The following CDH13 variants were observed in gnomAD, a reference collection of about 807,000 sequenced individuals.
The protein encoded by CDH13 is cadherin-13.
Under a neutral mutation model 63.8 loss-of-function variants are expected in CDH13, and 24 were observed. The observed-to-expected ratio is 0.38, with a 90% CI of 0.27 to 0.53. The LOEUF (loss-of-function observed/expected upper bound fraction) is 0.53. CDH13 is among the 20% of genes least tolerant of loss of function. The pLI is 0.85. For synonymous variants in CDH13, 503 were observed against 355.3 expected (o/e 1.42, Z -4.67); for missense variants, 1,049 against 903.1 (o/e 1.16, Z -2.07).
chr16:83,221,220 G>T (rs1386750205), intron 5 of CDH13, among the ~76,000 whole-genome samples: 1 of 152,098 alleles, frequency 6.6e-6, no homozygotes, highest in Non-Finnish European at 1.5e-5. Flanking sequence ...GCTTACCGGG[G>T]CTGGGAAGGG....
intron 5 of CDH13, among the ~76,000 whole-genome samples, chr16:83,246,300 G>T (rs1904986017): frequency 6.6e-6 from 1 of 152,086 alleles, no homozygotes; most frequent in Non-Finnish European, 1.5e-5. Flanking sequence ...GTATTTTTCT[G>T]TTAGCAAATT....
At chr16:83,183,655 C>T (rs932149037) in intron 4 of CDH13, among the ~76,000 whole-genome samples, 1 of 152,168 alleles carries the variant, frequency 6.6e-6, no homozygotes, top group Non-Finnish European at 1.5e-5. Context: ...TTCCATTTCG[C>T]TCTGGATCCA....
intron 5 of CDH13, among the ~76,000 whole-genome samples, chr16:83,313,996 T>A (rs1008372077): frequency 1.3e-5 from 2 of 152,194 alleles, no homozygotes; most frequent in African/African-American, 4.8e-5. Flanking sequence ...AGCACACAAA[T>A]CCTATTTATG....
In CDH13 at chr16:83,584,445, C is replaced by T. The variant is rs1004497174; in HGVS notation, c.961-18009C>T. On this transcript the variant is annotated intron_variant, in intron 7 of 13. Transcript: ENST00000567109. ...CGATGTAATATATGCTACAAGGGAA[C>T]TGTGTCAAGAGCTCTGCAGTCTTTC... 2.0e-5 allele frequency among the ~76,000 whole-genome samples: 3 copies of T among 152,206 alleles called. No individual in the cohort carries two copies. In the East Asian group the frequency reaches 5.8e-4, roughly 29 times the overall value.
Position 82,666,848 on chromosome 16 carries a change from A to T in CDH13, c.45+39711A>T, listed in dbSNP as rs192727344. ...AGCCAGCCTGCCTTCCCACCATCCA[A>T]ACGATGCTATGCCACATCTTGAAGA... On this transcript the variant is annotated intron_variant, in intron 1 of 13. Coordinates refer to ENST00000567109, the MANE Select transcript of CDH13 (RefSeq NM_001257.5). Among the ~76,000 whole-genome samples, 83 of 152,270 alleles carry T rather than the reference A, an allele frequency of 5.5e-4. 2 individuals are homozygous for T. The East Asian group carries it at 0.014, about 26-fold the overall frequency.
chr16:82,755,128 T>C (rs2034565510), intron 1 of CDH13, among the ~76,000 whole-genome samples: 1 of 152,212 alleles, frequency 6.6e-6, no homozygotes, highest in Non-Finnish European at 1.5e-5. Flanking sequence ...ATATATGCAG[T>C]GTTCTCTTTG....
chr16:83,370,399 A>T lies in CDH13; in HGVS notation c.781+25393A>T, dbSNP rs868699038. 1.9e-3 allele frequency among the ~76,000 whole-genome samples: 289 copies of T among 152,022 alleles called. 4 individuals carry two copies. The highest frequency in any genetic ancestry group is 6.4e-3 in the African/African-American group (263 of 41,316). The stretch of plus-strand genomic sequence containing the variant: ...CGAGACTCCATTTCAAAAAAAAAAA[A>T]AAAAACTTCCATATTTTCAGTTCTA... On this transcript the variant is annotated intron_variant, in intron 6 of 13. Transcript: ENST00000567109.
chr16:83,366,256 C>T (rs952599476), intron 6 of CDH13, among the ~76,000 whole-genome samples: 8 of 152,158 alleles, frequency 5.3e-5, no homozygotes, highest in African/African-American at 1.9e-4. Context: ...CCAATACCAA[C>T]ATCATTCTTA....
In CDH13 at chr16:83,379,743, G is replaced by A. The variant is rs144913495; in HGVS notation, c.781+34737G>A. ...TACTGCATTGTTTGAAAACCACTAC[G>A]TTGTAAATTGCATAAATGTGTATCA... On this transcript the variant is annotated intron_variant, in intron 6 of 13. Coordinates refer to ENST00000567109, the MANE Select transcript of CDH13 (RefSeq NM_001257.5). Among the ~76,000 whole-genome samples the A allele has an allele frequency of 2.3e-3, 353 of 152,016 alleles. 2 individuals carry two copies. The highest frequency in any genetic ancestry group is 8.0e-3 in the African/African-American group (331 of 41,450).
At chr16:82,728,740 AACTG>A (rs2033237809) in intron 1 of CDH13, among the ~76,000 whole-genome samples, 4 of 152,298 alleles carry the variant, frequency 2.6e-5, no homozygotes, top group Admixed American at 2.6e-4. Flanking sequence ...TGTCTGCATC[AACTG>A]ACTGTTTCTT....
intron 2 of CDH13, among the ~76,000 whole-genome samples, chr16:83,014,787 TA>T: frequency 1.3e-5 from 1 of 76,350 alleles, no homozygotes; most frequent in African/African-American, 5.2e-5. Context: ...TATATATATA[TA>T]TTTGTATATA....
chr16:82,903,483 C>T (rs2041537893), intron 2 of CDH13, among the ~76,000 whole-genome samples: 1 of 152,200 alleles, frequency 6.6e-6, no homozygotes, highest in Non-Finnish European at 1.5e-5. Flanking sequence ...TTTCTTCCCA[C>T]CTAGTTTTTT....
At chr16:83,097,058 G>T (rs2034241484) in intron 3 of CDH13, among the ~76,000 whole-genome samples, 1 of 152,120 alleles carries the variant, frequency 6.6e-6, no homozygotes, top group African/African-American at 2.4e-5. Flanking sequence ...ACTCTCCCTT[G>T]TCACTTTTCT....
chr16:83,058,526 A>T (rs377510304), intron 3 of CDH13, among the ~76,000 whole-genome samples: 1 of 152,180 alleles, frequency 6.6e-6, no homozygotes, highest in South Asian at 2.1e-4. Context: ...TCTTGTCCAA[A>T]TTCCAACCAT....
intron 6 of CDH13, among the ~76,000 whole-genome samples, chr16:83,447,445 A>G (rs1453261743): frequency 2.6e-5 from 4 of 152,122 alleles, no homozygotes; most frequent in East Asian, 1.9e-4. Context: ...AGTTTGATGG[A>G]TGAAGCAGAT....
Position 82,966,258 on chromosome 16 carries a change from C to G in CDH13, c.158-65752C>G, listed in dbSNP as rs556273858. ...CCGCCTCCCGGGTTGACGCCATTCT[C>G]CTGCCTCAGCCTCCCGAGTAGCTGG... On this transcript the variant is annotated intron_variant, in intron 2 of 13. Transcript: ENST00000567109. 8.5e-5 allele frequency among the ~76,000 whole-genome samples: 13 copies of G among 152,222 alleles called. No individual in the cohort carries two copies. In the South Asian group the frequency reaches 1.2e-3, roughly 15 times the overall value.
At chr16:82,905,034 T>C (rs2041595843) in intron 2 of CDH13, among the ~76,000 whole-genome samples, 1 of 152,088 alleles carries the variant, frequency 6.6e-6, no homozygotes, top group Non-Finnish European at 1.5e-5. Context: ...GCAGCTGCAA[T>C]TGGACTCTTC....
At chr16:83,232,670 T>G (rs536561229) in intron 5 of CDH13, among the ~76,000 whole-genome samples, 124 of 152,156 alleles carry the variant, frequency 8.1e-4, no homozygotes, top group Non-Finnish European at 1.4e-3. Flanking sequence ...TCCTGAGTCC[T>G]CCCCAGAAGC....
At chr16:82,948,626 A>T (rs1381657581) in intron 2 of CDH13, among the ~76,000 whole-genome samples, 1 of 152,210 alleles carries the variant, frequency 6.6e-6, no homozygotes, top group Non-Finnish European at 1.5e-5. Context: ...TATTCTAAGA[A>T]CAGAGTTGTT....
Sources: gnomAD v4.1 joint callset for allele counts (sites outside exome capture counted in the v4.1 genomes callset) on GRCh38, gnomAD v4.1.1 for gene constraint, MANE v1.5 for transcripts, NCBI Gene and HGNC (gene_info 2026-07-23, HGNC 2026-07-21) for gene names.